DOCK4: variants seen among roughly 807,000 people sequenced by gnomAD.
The protein encoded by DOCK4 is dedicator of cytokinesis 4.
DOCK4 carries 97 observed loss-of-function variants against 268.1 expected under a neutral mutation model. The ratio of observed to expected loss-of-function variants is 0.36; its 90% confidence interval spans 0.31 to 0.43. The LOEUF (loss-of-function observed/expected upper bound fraction) is 0.43, where lower values mean the gene tolerates loss of function less well. DOCK4 is among the 20% of genes least tolerant of loss of function. The pLI, the probability that DOCK4 is intolerant of heterozygous loss-of-function variation, is 1.00. For missense variants in DOCK4, 2,145 were observed against 2,455.7 expected, an observed-to-expected ratio of 0.87 and a Z score of 2.67; for synonymous variants, 954 against 887.2, an observed-to-expected ratio of 1.08 and a Z score of -1.34.
intron 1 of DOCK4, among the ~76,000 whole-genome samples, chr7:112,071,667 T>G (rs1388727150): frequency 2.0e-5 from 3 of 152,252 alleles, no homozygotes; most frequent in African/African-American, 7.2e-5. Context: ...AATACAAGTA[T>G]AATCCTTTAA....
intron 24 of DOCK4, among the ~76,000 whole-genome samples, chr7:111,846,199 G>A (rs981537215): frequency 6.6e-6 from 1 of 152,170 alleles, no homozygotes; most frequent in Non-Finnish European, 1.5e-5. Context: ...GGAAACTGTA[G>A]CATAAAGGTA....
chr7:111,969,887 T>C (rs1797567838), intron 8 of DOCK4, among the ~76,000 whole-genome samples: 1 of 152,174 alleles, frequency 6.6e-6, no homozygotes, highest in South Asian at 2.1e-4. Context: ...AGTTTGCTTG[T>C]ATGTAACAAA....
Position 112,205,981 on chromosome 7 carries a change from G to A in DOCK4, c.37+121C>T, listed in dbSNP as rs1587065033. ...GGCTCGGCAAAGCCCCGTACCAGCT[G>A]CGCGATGCCAGGATTAGGCATTTTC... On this transcript the variant is annotated intron_variant, in intron 1 of 52. Transcript: ENST00000428084. The A allele has an allele frequency of 9.7e-6, 11 of 1,135,124 alleles. No homozygotes were observed. The East Asian group carries it at 2.8e-4, about 29-fold the overall frequency. 70.3% of individuals were successfully genotyped at this position (1,135,124 alleles called of 1,614,324 possible). A position where few individuals can be genotyped will look rare whatever the true frequency, so the allele number is the denominator to read the frequency against.
chr7:111,811,713 G>T (rs73434286), intron 28 of DOCK4, among the ~76,000 whole-genome samples, 161 bp downstream of exon 28: 9,665 of 152,002 alleles, frequency 0.064, 1,049 homozygotes, highest in African/African-American at 0.22. Context: ...CCTTTTAAGC[G>T]CTATGTGAAC....
In DOCK4 at chr7:111,741,521, A is replaced by G; in HGVS notation, c.4919+19T>C. On this transcript the variant is annotated intron_variant, in intron 46 of 52. Coordinates refer to ENST00000428084, the MANE Select transcript of DOCK4 (RefSeq NM_001363540.2). The stretch of plus-strand genomic sequence containing the variant: ...TGCGGGTGAGGCCAAATTGTAAGAT[A>G]ATTTGGAATATGACTTACCTGCGTC... 6.2e-7 allele frequency: 1 copy of G among 1,610,158 alleles called. No individual in the cohort carries two copies.
intron 1 of DOCK4, among the ~76,000 whole-genome samples, 180 bp downstream of exon 1, chr7:112,205,922 C>A (rs1307906132): frequency 6.6e-6 from 1 of 152,124 alleles, no homozygotes; most frequent in Non-Finnish European, 1.5e-5. Flanking sequence ...CGGTGCGGGG[C>A]GAGAGCCTGG....
chr7:112,172,248 C>T (rs867251534), intron 1 of DOCK4, among the ~76,000 whole-genome samples: 1 of 152,268 alleles, frequency 6.6e-6, no homozygotes, highest in Middle Eastern at 3.4e-3. Context: ...ATATCCTCTA[C>T]CTAGAAGGCT....
intron 4 of DOCK4, among the ~76,000 whole-genome samples, chr7:111,995,670 TG>T (rs1799901819): frequency 6.6e-6 from 1 of 152,236 alleles, no homozygotes; most frequent in South Asian, 2.1e-4. Flanking sequence ...ATAACTGTTC[TG>T]TGATTCCTTT....
intron 1 of DOCK4, among the ~76,000 whole-genome samples, chr7:112,062,593 C>T (rs190623008): frequency 1.9e-3 from 295 of 152,160 alleles, no homozygotes; most frequent in Non-Finnish European, 3.1e-3. Context: ...AGCCAAGGGC[C>T]GACTTAAAAC....
intron 38 of DOCK4, 147 bp downstream of exon 38, chr7:111,766,885 C>T: frequency 3.4e-6 from 2 of 581,330 alleles, no homozygotes; most frequent in Admixed American, 6.7e-5. Flanking sequence ...TTTGCTATTT[C>T]TCTATATAAA....
At chr7:111,764,281 CTCT>C (rs1797637056) in intron 39 of DOCK4, among the ~76,000 whole-genome samples, 2 of 152,168 alleles carry the variant, frequency 1.3e-5, no homozygotes, top group Admixed American at 6.5e-5. Flanking sequence ...TGAAATCTTT[CTCT>C]TCTTCTCCAA....
intron 1 of DOCK4, among the ~76,000 whole-genome samples, chr7:112,023,262 T>C (rs1405987342): frequency 5.3e-5 from 8 of 152,186 alleles, no homozygotes; most frequent in Non-Finnish European, 8.8e-5. Context: ...CATGAATGAT[T>C]TCCAGAGTTG....
In DOCK4 at chr7:112,078,774, A is replaced by G. The variant is rs112137659; in HGVS notation, c.38-74643T>C. On this transcript the variant is annotated intron_variant, in intron 1 of 52. Coordinates refer to ENST00000428084, the MANE Select transcript of DOCK4 (RefSeq NM_001363540.2). The stretch of plus-strand genomic sequence containing the variant: ...TCACTTATACACGTATCTCCTGCAG[A>G]GTCTGGGTCTCTGCTCCAAACATAG... Among the ~76,000 whole-genome samples the G allele has an allele frequency of 2.8e-3, 427 of 152,286 alleles. 4 individuals carry two copies. The highest frequency in any genetic ancestry group is 1.0e-2 in the African/African-American group (414 of 41,566).
intron 1 of DOCK4, among the ~76,000 whole-genome samples, chr7:112,105,955 T>A (rs1811115165): frequency 6.6e-6 from 1 of 152,196 alleles, no homozygotes; most frequent in Admixed American, 6.5e-5. Flanking sequence ...CCTCCTAAAG[T>A]GCTGGGATCA....
intron 1 of DOCK4, among the ~76,000 whole-genome samples, chr7:112,200,001 T>C (rs1294412213): frequency 6.6e-6 from 1 of 152,216 alleles, no homozygotes; most frequent in African/African-American, 2.4e-5. Context: ...TTAAATTCTT[T>C]GTTAAAATAA....
chr7:111,933,079 C>CAT (rs1294166458), intron 12 of DOCK4, among the ~76,000 whole-genome samples: 5 of 138,794 alleles, frequency 3.6e-5, no homozygotes, highest in East Asian at 4.3e-4. Context: ...TATATATACA[C>CAT]ATATATATAC....
At chr7:111,859,571 T>C (rs1805313726) in intron 23 of DOCK4, among the ~76,000 whole-genome samples, 1 of 143,478 alleles carries the variant, frequency 7.0e-6, no homozygotes, top group African/African-American at 2.6e-5. Flanking sequence ...AATTTTTTTT[T>C]TTTTTTTTTT....
chr7:112,168,952 T>C (rs1817839794), intron 1 of DOCK4, among the ~76,000 whole-genome samples: 1 of 152,170 alleles, frequency 6.6e-6, no homozygotes, highest in South Asian at 2.1e-4. Context: ...ACTACACATA[T>C]ATGTGTATTA....
intron 1 of DOCK4, among the ~76,000 whole-genome samples, chr7:112,066,684 CATATACATATATATAT>C (rs1807038372): frequency 0.031 from 1,443 of 46,058 alleles, 71 homozygotes; most frequent in Non-Finnish European, 0.034. Context: ...TACATATATA[CATATACATATATATAT>C]ATATATATAT....
Sources: gnomAD v4.1 joint callset for allele counts (sites outside exome capture counted in the v4.1 genomes callset) on GRCh38, gnomAD v4.1.1 for gene constraint, MANE v1.5 for transcripts, NCBI Gene and HGNC (gene_info 2026-07-23, HGNC 2026-07-21) for gene names.